Variants in YY1 observed in about 807,000 individuals in gnomAD.
YY1 encodes transcriptional repressor protein YY1.
Under a neutral mutation model 35.6 loss-of-function variants are expected in YY1, and 2 were observed. That is an observed-to-expected ratio of 0.06 (90% CI 0.02 to 0.18). The LOEUF (loss-of-function observed/expected upper bound fraction) is 0.18. YY1 is among the 10% of genes least tolerant of loss of function. The pLI is 1.00. For synonymous variants in YY1, 268 were observed against 238.9 expected (o/e 1.12, Z -1.12); for missense variants, 322 against 573.4 (o/e 0.56, Z 4.48).
At chr14:100,269,075 A>G (rs761787104) in intron 2 of YY1, among the ~76,000 whole-genome samples, 5 of 152,108 alleles carry the variant, frequency 3.3e-5, no homozygotes, top group Admixed American at 6.5e-5. Context: ...CTCCCTCTCT[A>G]TTTGACAGGA....
intron 1 of YY1, among the ~76,000 whole-genome samples, chr14:100,241,790 AT>A (rs1270790900): frequency 6.6e-6 from 1 of 152,124 alleles, no homozygotes; most frequent in Non-Finnish European, 1.5e-5. Context: ...GCTGGCCATC[AT>A]AGTGAAACCC....
At chr14:100,243,862 T>C (rs951433946) in intron 1 of YY1, among the ~76,000 whole-genome samples, 4 of 151,846 alleles carry the variant, frequency 2.6e-5, no homozygotes, top group African/African-American at 9.7e-5. Flanking sequence ...TCCCAGCACT[T>C]TGGGAGGCCG....
In YY1 at chr14:100,280,018, G is replaced by A. The variant is rs142584290; in HGVS notation, c.*2418G>A. On this transcript the variant is annotated 3_prime_UTR_variant, in exon 5 of 5. Coordinates refer to ENST00000262238, the MANE Select transcript of YY1 (RefSeq NM_003403.5). ...GTCATCACTCCCCTTGACTCTCTCT[G>A]TTCACGTCTTCTCAGTCTGCAGAGT... 8 of 152,290 alleles carry A rather than the reference G, an allele frequency of 5.3e-5. No homozygotes were observed. In the East Asian group the frequency reaches 1.5e-3, roughly 29 times the overall value. 9.4% of individuals were successfully genotyped at this position (152,290 alleles called of 1,614,324 possible). A position where few individuals can be genotyped will look rare whatever the true frequency, so the allele number is the denominator to read the frequency against.
At chr14:100,274,603 C>T (rs527587823) in intron 2 of YY1, 95 bp from the exon 3 acceptor site, 16 of 1,065,718 alleles carry the variant, frequency 1.5e-5, no homozygotes, top group East Asian at 2.4e-5. Flanking sequence ...AGTTTGGGTA[C>T]CTATAAGGAA....
intron 1 of YY1, among the ~76,000 whole-genome samples, chr14:100,244,649 C>T (rs1168773308): frequency 2.0e-5 from 3 of 147,750 alleles, no homozygotes; most frequent in East Asian, 2.1e-4. Flanking sequence ...GTGAGACAGT[C>T]ACGGCTCACG....
chr14:100,276,564 C>T lies in YY1; in HGVS notation c.978C>T (p.Val326=). The T allele has an allele frequency of 1.9e-6, 3 of 1,614,164 alleles. No homozygotes were observed. Among genetic ancestry groups the T allele is most frequent in the Non-Finnish European group, 2.5e-6 (3 of 1,180,014 alleles). ...ACACCCACGGTCCCAGAGTCCACGT[C>T]TGTGCAGAATGTGGCAAAGCTTTTG... is the stretch of plus-strand genomic sequence containing the variant. ...HLHTHGPRVH[V]CAECGKAFVE... Residue 326 remains valine (V), a synonymous_variant, in exon 4 of 5, where the codon GTC becomes GTT. Transcript: ENST00000262238. This position sits in a 1 kb window ranked among gnomAD's most constrained non-coding sequence, Gnocchi z 4.1.
chr14:100,239,207 C>G lies in YY1; in HGVS notation c.-38C>G. The G allele has an allele frequency of 2.1e-6, 3 of 1,448,022 alleles. 1 individual carries two copies. The highest frequency in any genetic ancestry group is 2.7e-5 in the South Asian group (2 of 73,586). The allele number at this position is 1,448,022 out of a possible 1,614,324, so 89.7% of individuals were successfully genotyped here. A position where few individuals can be genotyped will look rare whatever the true frequency, so the allele number is the denominator to read the frequency against. On this transcript the variant is annotated 5_prime_UTR_variant, in exon 1 of 5. Transcript: ENST00000262238. Reference sequence around the variant, plus strand: ...CGCCCGCCCGCCCGCAGCCGAGGAGCCGAGGCCGCCGCGGCCGTGGCGGCG... The same window carrying G: ...CGCCCGCCCGCCCGCAGCCGAGGAGGCGAGGCCGCCGCGGCCGTGGCGGCG...
intron 1 of YY1, among the ~76,000 whole-genome samples, chr14:100,247,115 A>C (rs1890845141): frequency 6.6e-6 from 1 of 152,170 alleles, no homozygotes; most frequent in African/African-American, 2.4e-5. Context: ...AAGAGGGTAA[A>C]TTTTTTAAAA....
intron 1 of YY1, among the ~76,000 whole-genome samples, chr14:100,246,208 C>T (rs1890830857): frequency 6.6e-6 from 1 of 152,192 alleles, no homozygotes; most frequent in Admixed American, 6.5e-5. Context: ...CATTTCCATA[C>T]ATGGGTTTTG....
intron 1 of YY1, among the ~76,000 whole-genome samples, chr14:100,250,097 G>A (rs1272169514): frequency 1.3e-5 from 2 of 152,182 alleles, no homozygotes; most frequent in African/African-American, 4.8e-5. Flanking sequence ...TAGATACATT[G>A]CTTGTCATTT....
chr14:100,282,408 G>A lies in YY1; in HGVS notation c.*4808G>A, dbSNP rs2139619799. On this transcript the variant is annotated 3_prime_UTR_variant, in exon 5 of 5. Coordinates refer to ENST00000262238, the MANE Select transcript of YY1 (RefSeq NM_003403.5). ...ACAATGTCCGCACACATCACGGAGG[G>A]GAGAAAGGCATCAGTACCAAACGGA... is the stretch of plus-strand genomic sequence containing the variant. The A allele has an allele frequency of 6.6e-6, 1 of 152,248 alleles. No individual in the cohort carries two copies. The highest frequency in any genetic ancestry group is 1.5e-5 in the Non-Finnish European group (1 of 68,036). The allele number at this position is 152,248 out of a possible 1,614,324, so 9.4% of individuals were successfully genotyped here. A position where few individuals can be genotyped will look rare whatever the true frequency, so the allele number is the denominator to read the frequency against.
At chr14:100,240,253 CG>C (rs1291308336) in intron 1 of YY1, among the ~76,000 whole-genome samples, 1 of 108,194 alleles carries the variant, frequency 9.2e-6, no homozygotes, top group Non-Finnish European at 2.4e-5. Context: ...TCCCCGCGCC[CG>C]CATCAACGGG....
chr14:100,248,913 T>A (rs1890878831), intron 1 of YY1, among the ~76,000 whole-genome samples: 1 of 151,668 alleles, frequency 6.6e-6, no homozygotes, highest in African/African-American at 2.4e-5. Context: ...GGTCTTGATC[T>A]CCTGACCTCA....
intron 1 of YY1, among the ~76,000 whole-genome samples, chr14:100,244,350 G>A (rs1201695492): frequency 7.5e-6 from 1 of 134,142 alleles, no homozygotes; most frequent in Non-Finnish European, 1.6e-5. Flanking sequence ...TTTTGAGACA[G>A]GGGTCTCACT....
At chr14:100,273,720 C>G (rs1700209811) in intron 2 of YY1, among the ~76,000 whole-genome samples, 1 of 151,986 alleles carries the variant, frequency 6.6e-6, no homozygotes, top group African/African-American at 2.4e-5. Flanking sequence ...AGGGGTAAAA[C>G]TAGGGACAAA....
chr14:100,242,989 A>G (rs1241580358), intron 1 of YY1, among the ~76,000 whole-genome samples: 1 of 152,128 alleles, frequency 6.6e-6, no homozygotes, highest in Non-Finnish European at 1.5e-5. Context: ...GTAGTTATAA[A>G]TATTTGATGG....
At position 100,277,408 on chromosome 14, in the gene YY1, T is replaced by G. The variant is rs763034981; in HGVS notation, c.1063-10T>G. 1.2e-6 allele frequency: 2 copies of G among 1,614,224 alleles called. No homozygotes were observed. Among genetic ancestry groups the G allele is most frequent in the South Asian group, 2.2e-5 (2 of 91,086 alleles). On this transcript the variant is annotated splice_polypyrimidine_tract_variant and intron_variant, in intron 4 of 4. Transcript: ENST00000262238. The surrounding 1 kb of genome is among the most constrained non-coding windows in gnomAD (Gnocchi z 5.6). ...GCTGAGTGGGTTGATCTCTGGTCTTTCCTTGACAGTGCACGTTCGAAGGCT... is the reference window on the plus strand; with the variant it reads ...GCTGAGTGGGTTGATCTCTGGTCTTGCCTTGACAGTGCACGTTCGAAGGCT...
Position 100,244,858 on chromosome 14 carries a change from C to A in YY1, c.679+4935C>A, listed in dbSNP as rs141897181. Among the ~76,000 whole-genome samples, 70 of 152,034 alleles carry A rather than the reference C, an allele frequency of 4.6e-4. 2 individuals are homozygous for A. Among genetic ancestry groups the A allele is most frequent in the African/African-American group, 1.5e-3 (64 of 41,502 alleles). ...ATGGGTGTGAGCCACTGTGCCTGACCTCTTTATTTTTTCCTAAATTTTTAA... is the reference window on the plus strand; with the variant it reads ...ATGGGTGTGAGCCACTGTGCCTGACATCTTTATTTTTTCCTAAATTTTTAA... On this transcript the variant is annotated intron_variant, in intron 1 of 4. Transcript: ENST00000262238.
intron 2 of YY1, among the ~76,000 whole-genome samples, chr14:100,263,411 C>T (rs192256970): frequency 3.1e-4 from 47 of 152,160 alleles, no homozygotes; most frequent in Non-Finnish European, 5.0e-4. Context: ...ACATGGCGAG[C>T]AGTGGAGAAA....
Sources: gnomAD v4.1 joint callset for allele counts (sites outside exome capture counted in the v4.1 genomes callset) on GRCh38, gnomAD v4.1.1 for gene constraint, Gnocchi (gnomAD v3.1) non-coding constraint, MANE v1.5 for transcripts, NCBI Gene and HGNC (gene_info 2026-07-23, HGNC 2026-07-21) for gene names.